Variants in XKR6 observed in about 807,000 individuals in gnomAD.
XKR6 encodes the protein XK related 6, also known as XK-related protein 6.
XKR6 carries 22 observed loss-of-function variants against 56.7 expected under a neutral mutation model. That is an observed-to-expected ratio of 0.39 (90% CI 0.28 to 0.55). The LOEUF (loss-of-function observed/expected upper bound fraction) is 0.55, where lower values mean the gene tolerates loss of function less well. Among genes scored for constraint, XKR6 ranks in the 20% least tolerant of loss-of-function variants. XKR6 has a pLI of 0.66. For synonymous variants in XKR6, 524 were observed against 387.8 expected (o/e 1.35, Z -4.13); for missense variants, 852 against 889.0 (o/e 0.96, Z 0.53).
chr8:11,193,434 G>A (rs918993581), intron 1 of XKR6, among the ~76,000 whole-genome samples: 1 of 152,088 alleles, frequency 6.6e-6, no homozygotes, highest in African/African-American at 2.4e-5. Flanking sequence ...ACCCACATTA[G>A]AAATACAGAA....
At chr8:11,029,310 T>C (rs1798939313) in intron 1 of XKR6, among the ~76,000 whole-genome samples, 1 of 152,190 alleles carries the variant, frequency 6.6e-6, no homozygotes. Context: ...TAGGAGACCC[T>C]TACAGACCCC....
At chr8:11,152,333 A>G (rs992315532) in intron 1 of XKR6, among the ~76,000 whole-genome samples, 16 of 152,220 alleles carry the variant, frequency 1.1e-4, no homozygotes, top group Admixed American at 5.2e-4. Context: ...GATTCCAGAA[A>G]ACATCTGGGC....
At chr8:10,986,642 A>T (rs2129139127) in intron 1 of XKR6, among the ~76,000 whole-genome samples, 1 of 152,372 alleles carries the variant, frequency 6.6e-6, no homozygotes, top group South Asian at 2.1e-4. Context: ...AGAATTATAC[A>T]TACCTGGGTT....
In XKR6 at chr8:11,043,004, C is replaced by G. The variant is rs531363232; in HGVS notation, c.765-118174G>C. 3.3e-4 allele frequency among the ~76,000 whole-genome samples: 50 copies of G among 152,268 alleles called. 2 individuals are homozygous for G. The highest frequency in any genetic ancestry group is 1.2e-3 in the African/African-American group (48 of 41,568). ...GCCCAGGGCAGTGGTGGACCCCAGG[C>G]TTGTGCTGCTGTAGTGCTCTTGCCA... On this transcript the variant is annotated intron_variant, in intron 1 of 2. Coordinates refer to ENST00000416569, the MANE Select transcript of XKR6 (RefSeq NM_173683.4).
intron 1 of XKR6, among the ~76,000 whole-genome samples, chr8:10,969,289 C>A (rs1266850161): frequency 6.6e-6 from 1 of 152,170 alleles, no homozygotes; most frequent in Non-Finnish European, 1.5e-5. Context: ...AGCTTGCCAC[C>A]CACCGTGTTG....
At chr8:10,919,129 C>G (rs77544404) in intron 2 of XKR6, among the ~76,000 whole-genome samples, 20,664 of 152,234 alleles carry the variant, frequency 0.14, 1,613 homozygotes, top group South Asian at 0.17. Context: ...CTCTCTCACC[C>G]CAACTGCCAA....
intron 1 of XKR6, among the ~76,000 whole-genome samples, chr8:10,991,074 T>C (rs961911359): frequency 2.0e-5 from 3 of 151,922 alleles, no homozygotes; most frequent in African/African-American, 7.3e-5. Context: ...CAGCTGATTT[T>C]TGTATTTTTA....
chr8:11,167,890 T>TAAAAAAAAAAAAAAA (rs34853825), intron 1 of XKR6, among the ~76,000 whole-genome samples: 1 of 108,380 alleles, frequency 9.2e-6, no homozygotes, highest in African/African-American at 3.3e-5. Flanking sequence ...CCCCATCTCT[T>TAAAAAAAAAAAAAAA]AAAAAAAAAA....
At chr8:11,180,192 TG>T (rs1802894139) in intron 1 of XKR6, among the ~76,000 whole-genome samples, 1 of 152,126 alleles carries the variant, frequency 6.6e-6, no homozygotes, top group South Asian at 2.1e-4. Flanking sequence ...AAAAGTGCTT[TG>T]TCTGGGAAAA....
intron 1 of XKR6, among the ~76,000 whole-genome samples, chr8:11,103,551 C>A (rs1179029987): frequency 6.6e-6 from 1 of 152,142 alleles, no homozygotes; most frequent in Admixed American, 6.5e-5. Context: ...GCATGCTAAT[C>A]CATTCTGTGA....
At chr8:11,018,998 C>A (rs1297564776) in intron 1 of XKR6, among the ~76,000 whole-genome samples, 2 of 152,166 alleles carry the variant, frequency 1.3e-5, no homozygotes, top group Non-Finnish European at 2.9e-5. Context: ...CTTCCTCAAG[C>A]TCAGCCTTCA....
intron 1 of XKR6, among the ~76,000 whole-genome samples, chr8:10,985,129 G>C (rs1430548141): frequency 6.6e-6 from 1 of 151,870 alleles, no homozygotes; most frequent in Non-Finnish European, 1.5e-5. Context: ...ATTTTTTGTG[G>C]AGAGGGGGTG....
chr8:11,086,157 T>TTTA (rs1491345169), intron 1 of XKR6, among the ~76,000 whole-genome samples: 13,938 of 147,920 alleles, frequency 0.094, 913 homozygotes, highest in African/African-American at 0.17. Flanking sequence ...TATTTTTTTT[T>TTTA]AAAAAAAACA....
At position 11,200,479 on chromosome 8, in the gene XKR6, C is replaced by G. The variant is rs1429708059; in HGVS notation, c.764+97G>C. The G allele has an allele frequency of 5.3e-6, 7 of 1,320,028 alleles. No individual in the cohort carries two copies. In the East Asian group the frequency reaches 1.2e-4, roughly 23 times the overall value. 81.8% of individuals were successfully genotyped at this position (1,320,028 alleles called of 1,614,324 possible). On this transcript the variant is annotated intron_variant, in intron 1 of 2. Coordinates refer to ENST00000416569, the MANE Select transcript of XKR6 (RefSeq NM_173683.4). The surrounding 1 kb of genome is among the most constrained non-coding windows in gnomAD (Gnocchi z 6.4). ...CGGCCGGTCCCTCCTTCGAGCCCCC[C>G]GCGCTGGGCCCTTTCGAGGGGCCGC...
At chr8:11,184,891 A>C (rs1440342205) in intron 1 of XKR6, among the ~76,000 whole-genome samples, 1 of 152,162 alleles carries the variant, frequency 6.6e-6, no homozygotes, top group Non-Finnish European at 1.5e-5. Context: ...CACACAAACC[A>C]AATAGAATTC....
rs117864558 is a variant in XKR6 at position 11,004,433 on chromosome 8, C to T, written c.765-79603G>A. ...GTTGCAGTGAGCCGAGATCATGACG[C>T]CACTGCACTTCAGCCTAGGCGACAC... On this transcript the variant is annotated intron_variant, in intron 1 of 2. Coordinates refer to ENST00000416569, the MANE Select transcript of XKR6 (RefSeq NM_173683.4). 5.1e-3 allele frequency among the ~76,000 whole-genome samples: 781 copies of T among 152,204 alleles called. 3 individuals carry two copies. The highest frequency in any genetic ancestry group is 8.2e-3 in the Non-Finnish European group (556 of 68,008).
chr8:10,942,495 G>A (rs868846561), intron 1 of XKR6, among the ~76,000 whole-genome samples: 1 of 152,114 alleles, frequency 6.6e-6, no homozygotes, highest in East Asian at 1.9e-4. Flanking sequence ...GCCTGCTCCC[G>A]GTCACTCGCC....
At chr8:11,060,781 G>A (rs1056232561) in intron 1 of XKR6, among the ~76,000 whole-genome samples, 3 of 152,202 alleles carry the variant, frequency 2.0e-5, no homozygotes, top group African/African-American at 7.2e-5. Context: ...ATCCTGCCCT[G>A]CACTGGGCTC....
At chr8:10,927,693 C>T (rs1800933512) in intron 1 of XKR6, among the ~76,000 whole-genome samples, 1 of 152,158 alleles carries the variant, frequency 6.6e-6, no homozygotes. Context: ...AGGAAAACAA[C>T]AAGCCCAGAA....
Sources: gnomAD v4.1 joint callset for allele counts (sites outside exome capture counted in the v4.1 genomes callset) on GRCh38, gnomAD v4.1.1 for gene constraint, Gnocchi (gnomAD v3.1) non-coding constraint, MANE v1.5 for transcripts, NCBI Gene and HGNC (gene_info 2026-07-23, HGNC 2026-07-21) for gene names.